PCDHA4: variants seen among roughly 807,000 people sequenced by gnomAD.
PCDHA4 encodes protocadherin alpha-4.
In PCDHA4, 49 loss-of-function variants were observed where a neutral mutation model predicts 61.4. That is an observed-to-expected ratio of 0.80 (90% CI 0.63 to 1.01). The LOEUF is 1.01. Ranked by LOEUF, PCDHA4 falls within the 50% of genes least tolerant of loss-of-function variation. The pLI, the probability that PCDHA4 is intolerant of heterozygous loss-of-function variation, is 0.00. For synonymous variants in PCDHA4, 590 were observed against 550.3 expected (o/e 1.07, Z -1.01); for missense variants, 1,254 against 1,235.8 (o/e 1.01, Z -0.22).
chr5:140,924,905 AT>A (rs1216976019), intron 1 of PCDHA4, among the ~76,000 whole-genome samples: 1,708 of 55,768 alleles, frequency 0.031, 41 homozygotes, highest in African/African-American at 0.13. Flanking sequence ...AAAAAAAAAA[AT>A]AAAATAAAAT....
rs149731120 is a variant in PCDHA4 at position 140,857,612 on chromosome 5, C to T, written c.2385+48040C>T. On this transcript the variant is annotated intron_variant, in intron 1 of 3. Coordinates refer to ENST00000530339, the MANE Select transcript of PCDHA4 (RefSeq NM_018907.4). ...CGGCAAGGTGTACGCGCTGCAGCCGCTGGACCACGAGGAGCTGGAGCTGCT... is the reference window on the plus strand; with the variant it reads ...CGGCAAGGTGTACGCGCTGCAGCCGTTGGACCACGAGGAGCTGGAGCTGCT... 1.6e-4 allele frequency: 263 copies of T among 1,596,592 alleles called. 14 individuals carry two copies. Among genetic ancestry groups the T allele is most frequent in the African/African-American group, 1.5e-3 (115 of 74,450 alleles).
chr5:140,873,933 T>C (rs1347981327), intron 1 of PCDHA4, among the ~76,000 whole-genome samples: 3 of 152,228 alleles, frequency 2.0e-5, no homozygotes. Context: ...AGTGCTGGGA[T>C]TACAGGTGTA....
At chr5:140,828,152 C>T (rs2150151411) in intron 1 of PCDHA4, 7 of 1,614,146 alleles carry the variant, frequency 4.3e-6, no homozygotes, top group Middle Eastern at 1.7e-4. Context: ...GCTTCTGCTC[C>T]TCGCAGCCTG....
intron 1 of PCDHA4, among the ~76,000 whole-genome samples, chr5:140,917,523 G>A (rs1201312809): frequency 2.0e-5 from 3 of 152,182 alleles, no homozygotes; most frequent in Non-Finnish European, 4.4e-5. Context: ...TTATTCTACG[G>A]TTTGTATAGT....
intron 1 of PCDHA4, chr5:140,827,919 C>T (rs1769452946): frequency 1.1e-6 from 1 of 923,004 alleles, no homozygotes; most frequent in Non-Finnish European, 1.6e-6. Flanking sequence ...ATGTCGCTGT[C>T]TACCATGAAG....
At chr5:140,900,206 C>A (rs1286660558) in intron 1 of PCDHA4, among the ~76,000 whole-genome samples, 1 of 152,172 alleles carries the variant, frequency 6.6e-6, no homozygotes, top group Non-Finnish European at 1.5e-5. Flanking sequence ...CCAGTTTCAT[C>A]CAGGTTGTTG....
chr5:140,941,202 C>CTTT (rs1554213921), intron 1 of PCDHA4, among the ~76,000 whole-genome samples: 9,869 of 122,696 alleles, frequency 0.08, 560 homozygotes, highest in East Asian at 0.13. Flanking sequence ...TTTCTTTCTT[C>CTTT]CTTTCTTTCT....
chr5:141,008,679 T>C (rs950831628), intron 3 of PCDHA4, among the ~76,000 whole-genome samples: 4 of 152,238 alleles, frequency 2.6e-5, no homozygotes, highest in South Asian at 4.1e-4. Context: ...TATACTTTAG[T>C]TATTGCATGT....
chr5:140,877,215 A>T, intron 1 of PCDHA4: 1 of 1,613,722 alleles, frequency 6.2e-7, no homozygotes, highest in Non-Finnish European at 8.5e-7. Context: ...GCGAGTTGGT[A>T]CCGCGGTCGG....
At chr5:140,882,235 A>G (rs782339930) in intron 1 of PCDHA4, 9 of 1,580,864 alleles carry the variant, frequency 5.7e-6, no homozygotes, top group Admixed American at 1.8e-5. Flanking sequence ...CGTTGTATAT[A>G]TTGCAGATAG....
At chr5:140,878,585 C>T (rs2057657468) in intron 1 of PCDHA4, among the ~76,000 whole-genome samples, 1 of 152,152 alleles carries the variant, frequency 6.6e-6, no homozygotes, top group African/African-American at 2.4e-5. Flanking sequence ...CTGCCCTGTG[C>T]CTATTACCAA....
chr5:140,974,975 T>A (rs782637911), intron 1 of PCDHA4, among the ~76,000 whole-genome samples: 1 of 152,222 alleles, frequency 6.6e-6, no homozygotes, highest in African/African-American at 2.4e-5. Context: ...GTGGCTGAGT[T>A]GTCCGCTCAG....
At chr5:140,830,527 A>C in intron 1 of PCDHA4, 1 of 1,307,954 alleles carries the variant, frequency 7.6e-7, no homozygotes, top group Non-Finnish European at 1.0e-6. Context: ...TTTATTTTAA[A>C]TTTATAATTG....
chr5:140,836,633 C>T, intron 1 of PCDHA4: 1 of 1,613,432 alleles, frequency 6.2e-7, no homozygotes, highest in Non-Finnish European at 8.5e-7. Flanking sequence ...GCTGGTCATT[C>T]TCCCAGCAGA....
rs568082033 is a variant in PCDHA4, at chr5:140,926,946, AG to A, written c.2386-52002del. On this transcript the variant is annotated intron_variant, in intron 1 of 3. Transcript: ENST00000530339. ...GTTTGTGGGTTTCCTGCGGCGCTGC[AG>A]CGGGACAGCTCGAGTACTCAGTGCC... 60 of 1,590,228 alleles carry A rather than the reference AG, an allele frequency of 3.8e-5. No individual in the cohort carries two copies. The African/African-American group carries it at 7.7e-4, about 20-fold the overall frequency.
At chr5:140,881,358 T>A in intron 1 of PCDHA4, 1 of 985,286 alleles carries the variant, frequency 1.0e-6, no homozygotes, top group Non-Finnish European at 1.2e-6. Flanking sequence ...AATGCGTGGC[T>A]TTCGTATGAA....
At chr5:140,931,396 G>C (rs1554208395) in intron 1 of PCDHA4, among the ~76,000 whole-genome samples, 1 of 152,000 alleles carries the variant, frequency 6.6e-6, no homozygotes, top group Non-Finnish European at 1.5e-5. Flanking sequence ...ATAAGTAAGC[G>C]ATAGGAAGGC....
chr5:140,824,296 G>C, intron 1 of PCDHA4: 1 of 897,790 alleles, frequency 1.1e-6, no homozygotes. Flanking sequence ...AGGCTTTTCT[G>C]CTGGGGTAAT....
intron 1 of PCDHA4, among the ~76,000 whole-genome samples, chr5:140,901,207 T>G (rs894216497): frequency 6.6e-6 from 1 of 152,206 alleles, no homozygotes; most frequent in Non-Finnish European, 1.5e-5. Flanking sequence ...AGAAGGTTTT[T>G]AAGTTGATGT....
Sources: gnomAD v4.1 joint callset for allele counts (sites outside exome capture counted in the v4.1 genomes callset) on GRCh38, gnomAD v4.1.1 for gene constraint, MANE v1.5 for transcripts, NCBI Gene and HGNC (gene_info 2026-07-23, HGNC 2026-07-21) for gene names.